Variants in CCDC7 observed in about 807,000 individuals in gnomAD.
CCDC7 encodes the protein coiled-coil domain containing 7, also known as coiled-coil domain-containing protein 7.
In CCDC7, 183 loss-of-function variants were observed where a neutral mutation model predicts 196.9. The ratio of observed to expected loss-of-function variants is 0.93; its 90% CI spans 0.82 to 1.05. The LOEUF is 1.05. Ranked by LOEUF, CCDC7 falls within the 50% of genes least tolerant of loss-of-function variation. The pLI is 0.00. For missense variants in CCDC7, 1,540 were observed against 1,482.2 expected (o/e 1.04, Z -0.64); for synonymous variants, 525 against 484.6 (o/e 1.08, Z -1.10).
intron 8 of CCDC7, among the ~76,000 whole-genome samples, chr10:32,485,134 T>C (rs1209257226): frequency 2.0e-5 from 3 of 152,320 alleles, no homozygotes; most frequent in South Asian, 2.1e-4. Context: ...GTCCTGGACT[T>C]TTTTTGGTTG....
chr10:32,841,223 A>G (rs1422895117), intron 33 of CCDC7, among the ~76,000 whole-genome samples: 1 of 151,996 alleles, frequency 6.6e-6, no homozygotes, highest in African/African-American at 2.4e-5. Flanking sequence ...CTGTTTGCTG[A>G]TGATATGATC....
rs1364440759 is a variant in CCDC7 at position 32,711,612 on chromosome 10, TA to T, written c.2459-6del. ...CTAGTAAGGGACTAAATTTCTCTCT[TA>T]ACATAGCTCATGATGAAGAATCAGG... On this transcript the variant is annotated splice_polypyrimidine_tract_variant and splice_region_variant and intron_variant, in intron 24 of 41. Transcript: ENST00000639629. 2.6e-6 allele frequency: 4 copies of T among 1,548,148 alleles called. No homozygotes were observed. Among genetic ancestry groups the T allele is most frequent in the African/African-American group, 1.4e-5 (1 of 71,680 alleles).
intron 29 of CCDC7, among the ~76,000 whole-genome samples, chr10:32,796,920 A>G (rs983638136): frequency 6.6e-6 from 1 of 152,160 alleles, no homozygotes; most frequent in Admixed American, 6.5e-5. Flanking sequence ...TATTTTAAAT[A>G]TACAGAATTC....
Position 32,792,067 on chromosome 10 carries a change from G to GA in CCDC7, c.3014-12938dup, listed in dbSNP as rs1252422650. Among the ~76,000 whole-genome samples the GA allele has an allele frequency of 4.4e-3, 644 of 147,938 alleles. 8 individuals are homozygous for GA. Among genetic ancestry groups the GA allele is most frequent in the Admixed American group, 0.016 (243 of 14,906 alleles). ...GAATGATATGTTCAAAGTGCTAAAA[G>GA]AAAAAAAAAATTAGTCAAGAATACT... On this transcript the variant is annotated intron_variant, in intron 29 of 41. Coordinates refer to ENST00000639629, the Ensembl canonical transcript of CCDC7.
intron 31 of CCDC7, among the ~76,000 whole-genome samples, chr10:32,814,935 G>T (rs146851662): frequency 6.6e-6 from 1 of 152,044 alleles, no homozygotes; most frequent in African/African-American, 2.4e-5. Context: ...ACTGTCATCC[G>T]AGGGAAACTG....
chr10:32,609,506 C>T (rs1318725149), intron 18 of CCDC7, among the ~76,000 whole-genome samples: 1 of 152,032 alleles, frequency 6.6e-6, no homozygotes, highest in Non-Finnish European at 1.5e-5. Context: ...GCTACATATA[C>T]TTGAGTCATT....
In CCDC7 at chr10:32,474,040, T is replaced by G; in HGVS notation, c.796+17T>G. 1 of 1,608,654 alleles carries G rather than the reference T, an allele frequency of 6.2e-7. No homozygotes were observed. The highest frequency in any genetic ancestry group is 1.1e-5 in the South Asian group (1 of 89,898). The stretch of plus-strand genomic sequence containing the variant: ...CAGAACCACGTAAGTTTCCACTCAT[T>G]AAAGCATTATTGTGATAATAACCTC... On this transcript the variant is annotated intron_variant, in intron 8 of 41. Coordinates refer to ENST00000639629, the Ensembl canonical transcript of CCDC7.
intron 25 of CCDC7, among the ~76,000 whole-genome samples, chr10:32,713,327 A>G (rs2081109176): frequency 6.6e-6 from 1 of 152,192 alleles, no homozygotes; most frequent in African/African-American, 2.4e-5. Flanking sequence ...CAGTATCCAA[A>G]AGGCCCAAGA....
intron 40 of CCDC7, 117 bp downstream of exon 41, chr10:32,852,049 A>G (rs1320313354): frequency 1.9e-6 from 2 of 1,074,650 alleles, no homozygotes; most frequent in African/African-American, 3.3e-5. Flanking sequence ...ATATAAATGA[A>G]AGTAAATTGT....
chr10:32,762,563 C>A (rs184658960), intron 28 of CCDC7, among the ~76,000 whole-genome samples: 1 of 151,634 alleles, frequency 6.6e-6, no homozygotes, highest in Admixed American at 6.6e-5. Context: ...TTGCAGGCAT[C>A]ACACTTTCTG....
intron 20 of CCDC7, among the ~76,000 whole-genome samples, chr10:32,654,666 T>C (rs1393169773): frequency 3.3e-5 from 5 of 152,216 alleles, no homozygotes; most frequent in Non-Finnish European, 7.3e-5. Context: ...TGTCTCTGTG[T>C]GTCTTGAGGC....
At chr10:32,700,248 G>A (rs1383786676) in intron 24 of CCDC7, among the ~76,000 whole-genome samples, 1 of 149,510 alleles carries the variant, frequency 6.7e-6, no homozygotes, top group African/African-American at 2.6e-5. Context: ...GTAAGGAAGG[G>A]ATCCAGATTC....
At chr10:32,704,014 T>C (rs777570458) in intron 24 of CCDC7, among the ~76,000 whole-genome samples, 7 of 152,166 alleles carry the variant, frequency 4.6e-5, no homozygotes, top group Non-Finnish European at 1.0e-4. Flanking sequence ...TTCTCTCAAC[T>C]CGTCAAAGTC....
intron 9 of CCDC7, among the ~76,000 whole-genome samples, chr10:32,496,769 G>T (rs936910493): frequency 6.6e-6 from 1 of 152,156 alleles, no homozygotes; most frequent in Non-Finnish European, 1.5e-5. Context: ...CAAGCTTTTT[G>T]ATGTGCTTCT....
chr10:32,680,052 T>C (rs2075632383), intron 21 of CCDC7, among the ~76,000 whole-genome samples: 1 of 152,122 alleles, frequency 6.6e-6, no homozygotes, highest in Admixed American at 6.5e-5. Context: ...CAATTGAAAA[T>C]CTTTTATTGA....
chr10:32,737,142 G>C (rs966068698), intron 28 of CCDC7, among the ~76,000 whole-genome samples: 2 of 152,114 alleles, frequency 1.3e-5, no homozygotes, highest in Non-Finnish European at 2.9e-5. Context: ...TTAGTCTGTT[G>C]ATGTGGTGGA....
chr10:32,630,577 T>G (rs566999708), intron 18 of CCDC7, among the ~76,000 whole-genome samples: 176 of 152,144 alleles, frequency 1.2e-3, no homozygotes, highest in South Asian at 2.3e-3. Context: ...ATAGCTAGAT[T>G]TCAGCACTCC....
intron 18 of CCDC7, among the ~76,000 whole-genome samples, chr10:32,585,537 C>G (rs1347381431): frequency 1.3e-5 from 2 of 152,252 alleles, no homozygotes; most frequent in East Asian, 3.9e-4. Context: ...GCCCCCACCC[C>G]TGACAGGCCC....
chr10:32,470,989 AGAT>A lies in CCDC7; in HGVS notation c.511-74_511-72del, dbSNP rs1251598880. ...AAAAATTACTTTGATTTAATAAAGG[AGAT>A]AATGAAATTTATTTGAGGTATGGGA... On this transcript the variant is annotated intron_variant, in intron 5 of 41. Transcript: ENST00000639629. 11 of 1,339,544 alleles carry A rather than the reference AGAT, an allele frequency of 8.2e-6. No individual in the cohort carries two copies. In the East Asian group the frequency reaches 1.3e-4, roughly 16 times the overall value. 83.0% of individuals were successfully genotyped at this position (1,339,544 alleles called of 1,614,324 possible).
Sources: gnomAD v4.1 joint callset for allele counts (sites outside exome capture counted in the v4.1 genomes callset) on GRCh38, gnomAD v4.1.1 for gene constraint, MANE v1.5 for transcripts, NCBI Gene and HGNC (gene_info 2026-07-23, HGNC 2026-07-21) for gene names.